Variants in SLC4A8 observed in about 807,000 individuals in gnomAD.
SLC4A8 encodes the protein electroneutral sodium bicarbonate exchanger 1.
Under a neutral mutation model 125.0 loss-of-function variants are expected in SLC4A8, and 40 were observed. The ratio of observed to expected loss-of-function variants is 0.32; its 90% CI spans 0.25 to 0.42. The LOEUF is 0.42. Among genes scored for constraint, SLC4A8 ranks in the 10% least tolerant of loss-of-function variants. The pLI, the probability that SLC4A8 is intolerant of heterozygous loss-of-function variation, is 1.00. For synonymous variants in SLC4A8, 456 were observed against 476.0 expected, an observed-to-expected ratio of 0.96 and a Z score of 0.55; for missense variants, 863 against 1,355.1, an observed-to-expected ratio of 0.64 and a Z score of 5.70.
At chr12:51,491,752 C>CACACACAG (rs1034838248) in intron 19 of SLC4A8, among the ~76,000 whole-genome samples, 2 of 151,598 alleles carry the variant, frequency 1.3e-5, no homozygotes, top group African/African-American at 4.9e-5. Context: ...CACACACACA[C>CACACACAG]ACACACACAC....
At position 51,504,060 on chromosome 12, in the gene SLC4A8, A is replaced by T; in HGVS notation, c.3113A>T (p.Asp1038Val). Reference sequence around the variant, plus strand: ...GAGAAAATGTTAGAAATTGGGGGAGACAAGTTTCCCTTAGAGAGCAGGAAG... The same window carrying T: ...GAGAAAATGTTAGAAATTGGGGGAGTCAAGTTTCCCTTAGAGAGCAGGAAG... ...EAEKMLEIGGDKFPLESRKLL... is the reference protein window; with the variant it reads ...EAEKMLEIGGVKFPLESRKLL... The change falls in exon 23 of 25, where the codon GAC (aspartate) becomes GTC (valine). Residue 1038 changes from aspartate to valine, a missense_variant. Physicochemically the swap from Asp to Val is radical, Grantham distance 152 (BLOSUM62 -3). Transcript: ENST00000453097. 1 of 1,588,100 alleles carries T rather than the reference A, an allele frequency of 6.3e-7. No homozygotes were observed. The highest frequency in any genetic ancestry group is 8.6e-7 in the Non-Finnish European group (1 of 1,165,672).
intron 1 of SLC4A8, among the ~76,000 whole-genome samples, chr12:51,402,630 G>A (rs1173444860): frequency 6.6e-6 from 1 of 152,182 alleles, no homozygotes; most frequent in African/African-American, 2.4e-5. Context: ...ACTGAGGCAG[G>A]AGAATCTTTT....
intron 22 of SLC4A8, among the ~76,000 whole-genome samples, chr12:51,500,357 C>T (rs962265743): frequency 2.0e-5 from 3 of 152,114 alleles, no homozygotes; most frequent in Non-Finnish European, 4.4e-5. Flanking sequence ...TCATAGCCAA[C>T]ATTCATGTTC....
intron 20 of SLC4A8, 37 bp downstream of exon 20, chr12:51,493,809 T>C: frequency 7.7e-7 from 1 of 1,295,282 alleles, no homozygotes; most frequent in South Asian, 1.2e-5. Flanking sequence ...TTCTTCTCAC[T>C]GCAAGTTTGC....
chr12:51,470,247 G>C, intron 12 of SLC4A8, 145 bp from the exon 13 acceptor site: 2 of 691,300 alleles, frequency 2.9e-6, no homozygotes, highest in Non-Finnish European at 5.1e-6. Context: ...GTATTACATG[G>C]TGTGTACACA....
At chr12:51,425,194 G>A (rs763426113) in intron 1 of SLC4A8, 159 bp downstream of exon 1, 6 of 1,420,984 alleles carry the variant, frequency 4.2e-6, no homozygotes, top group Non-Finnish European at 5.5e-6. Context: ...GCTCCGGGCG[G>A]TTGGGGACCA....
intron 21 of SLC4A8, among the ~76,000 whole-genome samples, chr12:51,496,712 C>A (rs932230368): frequency 6.6e-6 from 1 of 152,180 alleles, no homozygotes; most frequent in African/African-American, 2.4e-5. Context: ...TCCTGCTGAC[C>A]CCTAGCCATC....
intron 17 of SLC4A8, among the ~76,000 whole-genome samples, chr12:51,486,820 A>G (rs1951176654): frequency 6.6e-6 from 1 of 152,142 alleles, no homozygotes; most frequent in African/African-American, 2.4e-5. Flanking sequence ...ACCTTCTTCC[A>G]TATTGTCTGA....
At chr12:51,482,015 T>C (rs1342694166) in intron 16 of SLC4A8, among the ~76,000 whole-genome samples, 1 of 152,196 alleles carries the variant, frequency 6.6e-6, no homozygotes, top group Admixed American at 6.5e-5. Flanking sequence ...TAAGATGACC[T>C]GCACAGTGTC....
intron 14 of SLC4A8, among the ~76,000 whole-genome samples, chr12:51,473,248 T>C (rs1482120474): frequency 6.6e-6 from 1 of 152,244 alleles, no homozygotes; most frequent in Non-Finnish European, 1.5e-5. Flanking sequence ...ACTGACCTTT[T>C]TATGTCCTTA....
In SLC4A8 at chr12:51,415,523, C is replaced by A. The variant is rs574367548; in HGVS notation, c.-112+24035C>A. On this transcript the variant is annotated intron_variant, in intron 1 of 24. Transcript: ENST00000358657. ...TTCCTCTAGGTTTTCCAATTGTGAG[C>A]TTTACTTATGTTTTGTCTTGCTCTG... is the stretch of plus-strand genomic sequence containing the variant. Among the ~76,000 whole-genome samples the A allele has an allele frequency of 6.6e-5, 10 of 152,094 alleles. No homozygotes were observed. In the South Asian group the frequency reaches 1.9e-3, roughly 28 times the overall value.
chr12:51,458,485 C>A, intron 6 of SLC4A8, 74 bp from the exon 7 acceptor site: 1 of 1,057,528 alleles, frequency 9.5e-7, no homozygotes, highest in African/African-American at 1.6e-5. Context: ...GCAGAACCAA[C>A]TGATGATGGG....
At chr12:51,442,109 C>T (rs1426362272) in intron 2 of SLC4A8, among the ~76,000 whole-genome samples, 1 of 152,176 alleles carries the variant, frequency 6.6e-6, no homozygotes, top group Non-Finnish European at 1.5e-5. Context: ...CCCTATTTTA[C>T]ACATGAGGAA....
chr12:51,441,189 C>T (rs2138129816), intron 2 of SLC4A8: 1 of 983,778 alleles, frequency 1.0e-6, no homozygotes, highest in Non-Finnish European at 1.2e-6. Flanking sequence ...ATTTTGGCTA[C>T]AAAACCCTAT....
At chr12:51,399,980 CAAAA>C (rs11323317) in intron 1 of SLC4A8, among the ~76,000 whole-genome samples, 2 of 122,900 alleles carry the variant, frequency 1.6e-5, no homozygotes, top group Non-Finnish European at 1.7e-5. Context: ...CACTTCGTCT[CAAAA>C]AAAAAAAAAA....
chr12:51,452,096 A>C (rs780645309), intron 3 of SLC4A8, 28 bp from the exon 4 acceptor site: 6 of 1,613,356 alleles, frequency 3.7e-6, no homozygotes, highest in Non-Finnish European at 5.1e-6. Context: ...AGGCTAGAGC[A>C]GACCTTTCTC....
intron 10 of SLC4A8, 49 bp from the exon 11 acceptor site, chr12:51,463,565 C>T (rs769802209): frequency 6.3e-6 from 9 of 1,431,136 alleles, no homozygotes; most frequent in Admixed American, 1.7e-5. Flanking sequence ...GATAGCAGGA[C>T]GAAAAGATAG....
intron 16 of SLC4A8, among the ~76,000 whole-genome samples, chr12:51,475,636 T>C (rs1950834188): frequency 6.6e-6 from 1 of 152,224 alleles, no homozygotes; most frequent in Non-Finnish European, 1.5e-5. Context: ...TAATAGCTTA[T>C]GAAATCACTG....
intron 21 of SLC4A8, among the ~76,000 whole-genome samples, chr12:51,496,701 T>C (rs1951468349): frequency 6.6e-6 from 1 of 152,224 alleles, no homozygotes. Flanking sequence ...TCCTGTAGCC[T>C]TCCTGCTGAC....
Sources: allele counts gnomAD v4.1 joint callset (sites outside exome capture counted in the v4.1 genomes callset), GRCh38; gene constraint gnomAD v4.1.1; transcripts MANE v1.5; gene names NCBI Gene and HGNC (gene_info 2026-07-23, HGNC 2026-07-21).